LHX4: variants seen among roughly 807,000 people sequenced by gnomAD.
LHX4 encodes the protein LIM homeobox 4.
LHX4 carries 16 observed loss-of-function variants against 39.2 expected under a neutral mutation model. The observed-to-expected ratio is 0.41, with a 90% CI of 0.28 to 0.62. The LOEUF (loss-of-function observed/expected upper bound fraction) is 0.62, where lower values mean the gene tolerates loss of function less well. LHX4 is among the 20% of genes least tolerant of loss of function. The pLI is 0.33. For synonymous variants in LHX4, 206 were observed against 198.1 expected (o/e 1.04, Z -0.33); for missense variants, 439 against 511.9 (o/e 0.86, Z 1.37).
intron 2 of LHX4, among the ~76,000 whole-genome samples, chr1:180,256,773 G>A (rs1183916536): frequency 1.3e-5 from 2 of 152,184 alleles, no homozygotes; most frequent in Admixed American, 6.5e-5. Flanking sequence ...CCGCTCGGGG[G>A]AGTTTGCTCA....
At chr1:180,263,515 G>A (rs985768605) in intron 2 of LHX4, among the ~76,000 whole-genome samples, 6 of 152,118 alleles carry the variant, frequency 3.9e-5, no homozygotes, top group Admixed American at 2.6e-4. Flanking sequence ...CGGCTCCCTC[G>A]GCAAGGGTCC....
At chr1:180,238,256 G>T (rs757846489) in intron 1 of LHX4, among the ~76,000 whole-genome samples, 1 of 152,168 alleles carries the variant, frequency 6.6e-6, no homozygotes, top group Admixed American at 6.5e-5. Flanking sequence ...ATTTTCAAAG[G>T]CACCCCAAGC....
Position 180,277,036 on chromosome 1 carries a change from C to T in LHX4, c.*2457C>T, listed in dbSNP as rs1649079566. 6.6e-6 allele frequency: 1 copy of T among 152,104 alleles called. No individual in the cohort carries two copies. Among genetic ancestry groups the T allele is most frequent in the Admixed American group, 6.5e-5 (1 of 15,284 alleles). 9.4% of individuals were successfully genotyped at this position (152,104 alleles called of 1,614,324 possible). A position where few individuals can be genotyped will look rare whatever the true frequency, so the allele number is the denominator to read the frequency against. On this transcript the variant is annotated 3_prime_UTR_variant, in exon 6 of 6. Coordinates refer to ENST00000263726, the MANE Select transcript of LHX4 (RefSeq NM_033343.4). ...CAATAGTTCTTTGGCATCAGTAGGG[C>T]TGGTTAGCTGGAAAAACCCTTGAGA... is the stretch of plus-strand genomic sequence containing the variant.
chr1:180,248,498 G>C, intron 2 of LHX4, 42 bp downstream of exon 2: 1 of 1,608,770 alleles, frequency 6.2e-7, no homozygotes. Context: ...GCCTGTCTCT[G>C]CCTCTCCCCA....
intron 3 of LHX4, among the ~76,000 whole-genome samples, chr1:180,268,815 A>G (rs905320289): frequency 1.3e-4 from 20 of 152,116 alleles, no homozygotes; most frequent in African/African-American, 4.6e-4. Flanking sequence ...GTCCTGGGCA[A>G]TCGGTGATCC....
rs1461891887 is a variant in LHX4, at chr1:180,230,287, AC to A, written c.-241del. 1.0e-5 allele frequency: 6 copies of A among 582,256 alleles called. No homozygotes were observed. The highest frequency in any genetic ancestry group is 1.8e-5 in the Non-Finnish European group (6 of 325,844). 36.1% of individuals were successfully genotyped at this position (582,256 alleles called of 1,614,324 possible). A position where few individuals can be genotyped will look rare whatever the true frequency, so the allele number is the denominator to read the frequency against. On this transcript the variant is annotated 5_prime_UTR_variant, in exon 1 of 6. Transcript: ENST00000263726. This position sits in a 1 kb window ranked among gnomAD's most constrained non-coding sequence, Gnocchi z 5.8. ...CCAGAGCTGCAGCAACAGCGTCTCA[AC>A]CTGGGATGTGCACCAACCCCGGAGA...
chr1:180,231,082 CTT>C (rs1664165504), intron 1 of LHX4, among the ~76,000 whole-genome samples: 2 of 152,078 alleles, frequency 1.3e-5, no homozygotes, highest in African/African-American at 2.4e-5. Flanking sequence ...CGGCCACACT[CTT>C]AGTCCCTGCG....
chr1:180,239,969 T>TG (rs763775141), intron 1 of LHX4, among the ~76,000 whole-genome samples: 171 of 152,150 alleles, frequency 1.1e-3, no homozygotes, highest in Non-Finnish European at 1.8e-3. Context: ...GTGGCTCCCA[T>TG]GGACCCAGCT....
At chr1:180,255,783 G>A (rs749709605) in intron 2 of LHX4, among the ~76,000 whole-genome samples, 18 of 152,372 alleles carry the variant, frequency 1.2e-4, no homozygotes, top group Non-Finnish European at 2.5e-4. Flanking sequence ...CACCCTCCCC[G>A]AGTGGGGCCT....
chr1:180,265,400 C>T (rs956535846), intron 2 of LHX4, among the ~76,000 whole-genome samples: 14 of 152,234 alleles, frequency 9.2e-5, no homozygotes, highest in East Asian at 3.8e-4. Context: ...CTGTCCCTGT[C>T]GGCCCCCAAA....
Position 180,278,861 on chromosome 1 carries a change from C to CTTA in LHX4, c.*4285_*4287dup, listed in dbSNP as rs1649205996. ...AAGAAAAAAAAAAGACCCACCCATC[C>CTTA]TTATTTATTGCCATATGACTTTGGA... On this transcript the variant is annotated 3_prime_UTR_variant, in exon 6 of 6. Coordinates refer to ENST00000263726, the MANE Select transcript of LHX4 (RefSeq NM_033343.4). The CTTA allele has an allele frequency of 6.6e-6, 1 of 152,102 alleles. No individual in the cohort carries two copies. The highest frequency in any genetic ancestry group is 2.4e-5 in the African/African-American group (1 of 41,410). The allele number at this position is 152,102 out of a possible 1,614,324, so 9.4% of individuals were successfully genotyped here. A position where few individuals can be genotyped will look rare whatever the true frequency, so the allele number is the denominator to read the frequency against.
chr1:180,239,208 TTA>T (rs1412663182), intron 1 of LHX4, among the ~76,000 whole-genome samples: 3 of 152,222 alleles, frequency 2.0e-5, no homozygotes, highest in Non-Finnish European at 2.9e-5. Flanking sequence ...CATTTTAGAA[TTA>T]GTTATTCCCC....
intron 2 of LHX4, among the ~76,000 whole-genome samples, chr1:180,252,642 G>A (rs1369315271): frequency 6.6e-6 from 1 of 152,134 alleles, no homozygotes; most frequent in South Asian, 2.1e-4. Flanking sequence ...ACTCCAGGGG[G>A]CATCCTCCTG....
intron 2 of LHX4, among the ~76,000 whole-genome samples, chr1:180,255,599 C>G (rs985358479): frequency 6.6e-6 from 1 of 152,246 alleles, no homozygotes; most frequent in African/African-American, 2.4e-5. Context: ...AAGATTCAAA[C>G]ACACTGGTGG....
chr1:180,266,575 C>T lies in LHX4; in HGVS notation c.432C>T (p.Tyr144=), dbSNP rs140300978. ...GGCGGCTGGTGTGCAAGGAAGACTA[C>T]GAGACAGCCAAGCAGAACGGTAAGC... The part of the protein sequence containing the change: ...EDGRLVCKED[Y]ETAKQNDDSE... Residue 144 remains tyrosine, a synonymous_variant, in exon 3 of 6, where the codon TAC becomes TAT. Coordinates refer to ENST00000263726, the MANE Select transcript of LHX4 (RefSeq NM_033343.4). This position sits in a 1 kb window ranked among gnomAD's most constrained non-coding sequence, Gnocchi z 5.7. 20 of 1,613,956 alleles carry T rather than the reference C, an allele frequency of 1.2e-5. No homozygotes were observed. The highest frequency in any genetic ancestry group is 1.6e-4 in the Middle Eastern group (1 of 6,084).
intron 3 of LHX4, among the ~76,000 whole-genome samples, chr1:180,269,044 C>T (rs528921957): frequency 6.6e-5 from 10 of 152,062 alleles, no homozygotes; most frequent in African/African-American, 1.2e-4. Flanking sequence ...AATGAGGTTG[C>T]GTTTTATGCC....
At chr1:180,248,051 C>T (rs1053337528) in intron 1 of LHX4, among the ~76,000 whole-genome samples, 1 of 152,222 alleles carries the variant, frequency 6.6e-6, no homozygotes, top group Non-Finnish European at 1.5e-5. Flanking sequence ...CACCCCAAGC[C>T]AGAATCCACA....
chr1:180,230,404 C>A lies in LHX4; in HGVS notation c.-126C>A, dbSNP rs1013855406. The stretch of plus-strand genomic sequence containing the variant: ...AGTCCTCCCTGAGAAGCGGAGGGCC[C>A]GGCTTCCACCGTGACTCCAGCGGCC... On this transcript the variant is annotated 5_prime_UTR_variant, in exon 1 of 6. Coordinates refer to ENST00000263726, the MANE Select transcript of LHX4 (RefSeq NM_033343.4). This position sits in a 1 kb window ranked among gnomAD's most constrained non-coding sequence, Gnocchi z 5.8. 3.7e-6 allele frequency: 3 copies of A among 808,148 alleles called. No homozygotes were observed. The highest frequency in any genetic ancestry group is 1.7e-5 in the African/African-American group (1 of 58,876). 50.1% of individuals were successfully genotyped at this position (808,148 alleles called of 1,614,324 possible).
At chr1:180,238,035 C>A (rs1664364950) in intron 1 of LHX4, among the ~76,000 whole-genome samples, 1 of 152,132 alleles carries the variant, frequency 6.6e-6, no homozygotes, top group South Asian at 2.1e-4. Context: ...CTGAAGAATA[C>A]TAATTACGTG....
Sources: allele counts gnomAD v4.1 joint callset (sites outside exome capture counted in the v4.1 genomes callset), GRCh38; gene constraint gnomAD v4.1.1; non-coding constraint Gnocchi (gnomAD v3.1); transcripts MANE v1.5; gene names NCBI Gene and HGNC (gene_info 2026-07-23, HGNC 2026-07-21).